The following PTPRA variants were observed in gnomAD, a reference collection of about 807,000 sequenced individuals.
PTPRA encodes protein tyrosine phosphatase receptor type A, also known as receptor-type tyrosine-protein phosphatase alpha.
Under a neutral mutation model 104.8 loss-of-function variants are expected in PTPRA, and 25 were observed. That is an observed-to-expected ratio of 0.24 (90% CI 0.17 to 0.33). The LOEUF (loss-of-function observed/expected upper bound fraction) is 0.33. Ranked by LOEUF, PTPRA falls within the 10% of genes least tolerant of loss-of-function variation. The pLI, the probability that PTPRA is intolerant of heterozygous loss-of-function variation, is 1.00. For missense variants in PTPRA, 765 were observed against 1,015.3 expected, an observed-to-expected ratio of 0.75 and a Z score of 3.35; for synonymous variants, 323 against 368.9, an observed-to-expected ratio of 0.88 and a Z score of 1.43.
At chr20:2,928,915 G>A (rs1052069066) in intron 2 of PTPRA, among the ~76,000 whole-genome samples, 3 of 147,920 alleles carry the variant, frequency 2.0e-5, no homozygotes, top group Admixed American at 1.4e-4. Context: ...CTGCAGCCTC[G>A]AGCTCCCAGG....
intron 1 of PTPRA, among the ~76,000 whole-genome samples, chr20:2,879,600 G>C (rs938665819): frequency 6.6e-6 from 1 of 152,170 alleles, no homozygotes; most frequent in Admixed American, 6.5e-5. Flanking sequence ...ATTGGTCTCA[G>C]TTGGGGCCTG....
At chr20:3,004,481 A>C (rs1032679588) in intron 9 of PTPRA, among the ~76,000 whole-genome samples, 6 of 152,204 alleles carry the variant, frequency 3.9e-5, no homozygotes, top group Non-Finnish European at 8.8e-5. Context: ...CACCTCACCC[A>C]AATCTTCTGC....
Position 3,038,588 on chromosome 20 carries a change from A to G in PTPRA, c.*455A>G, listed in dbSNP as rs1386676499. On this transcript the variant is annotated 3_prime_UTR_variant, in exon 24 of 24. Transcript: ENST00000399903. ...CCCCTCCCCCATCCCCACCACTGATATCATGGGGAGTAATAGGACCAGAGC... is the reference window on the plus strand; with the variant it reads ...CCCCTCCCCCATCCCCACCACTGATGTCATGGGGAGTAATAGGACCAGAGC... 5.6e-6 allele frequency: 1 copy of G among 178,254 alleles called. No homozygotes were observed. The highest frequency in any genetic ancestry group is 1.2e-5 in the Non-Finnish European group (1 of 84,406). The allele number at this position is 178,254 out of a possible 1,614,324, so 11.0% of individuals were successfully genotyped here. A position where few individuals can be genotyped will look rare whatever the true frequency, so the allele number is the denominator to read the frequency against.
At chr20:2,914,445 CTGTGTGTGTG>C (rs35272226) in intron 1 of PTPRA, among the ~76,000 whole-genome samples, 23 of 145,720 alleles carry the variant, frequency 1.6e-4, no homozygotes, top group East Asian at 4.0e-4. Context: ...ATTTCTTGCT[CTGTGTGTGTG>C]TGTGTGTGTG....
chr20:2,967,283 G>T lies in PTPRA; in HGVS notation c.415+2081G>T, dbSNP rs138741748. On this transcript the variant is annotated intron_variant, in intron 5 of 23. Coordinates refer to ENST00000399903, the MANE Select transcript of PTPRA (RefSeq NM_001385305.1). Reference sequence around the variant, plus strand: ...TTTAACACAGTTCACGTCATAGGAGGCTGAGACTATGTTTCTCTAGTGGCG... The same window carrying T: ...TTTAACACAGTTCACGTCATAGGAGTCTGAGACTATGTTTCTCTAGTGGCG... Among the ~76,000 whole-genome samples the T allele has an allele frequency of 1.7e-3, 266 of 152,208 alleles. 2 individuals are homozygous for T. Among genetic ancestry groups the T allele is most frequent in the Non-Finnish European group, 4.7e-4 (32 of 68,018 alleles).
At chr20:3,004,919 C>G in intron 9 of PTPRA, 137 bp from the exon 10 acceptor site, 1 of 732,822 alleles carries the variant, frequency 1.4e-6, no homozygotes, top group Non-Finnish European at 2.3e-6. Flanking sequence ...TGTTAGGCTG[C>G]AGGTATTCAC....
intron 6 of PTPRA, 32 bp downstream of exon 6, chr20:2,975,273 T>G: frequency 6.4e-7 from 1 of 1,562,202 alleles, no homozygotes; most frequent in Non-Finnish European, 8.8e-7. Flanking sequence ...TGTTGTTCCT[T>G]TTACACAGTG....
intron 20 of PTPRA, among the ~76,000 whole-genome samples, chr20:3,032,745 G>GA (rs2065558305): frequency 6.7e-6 from 1 of 149,726 alleles, no homozygotes; most frequent in Admixed American, 6.6e-5. Flanking sequence ...CAGCCTGGTG[G>GA]CAGAGTGAGA....
chr20:2,889,919 G>T (rs1470849361), intron 1 of PTPRA, among the ~76,000 whole-genome samples: 1 of 152,026 alleles, frequency 6.6e-6, no homozygotes, highest in African/African-American at 2.4e-5. Context: ...GATCTTGGTA[G>T]GTTGCCCATG....
intron 1 of PTPRA, among the ~76,000 whole-genome samples, chr20:2,904,121 GC>G (rs2059330775): frequency 6.6e-6 from 1 of 151,876 alleles, no homozygotes; most frequent in South Asian, 2.1e-4. Context: ...TTTCTATGAT[GC>G]CCCGGCTGGT....
At chr20:2,953,507 C>T (rs1030310423) in intron 3 of PTPRA, among the ~76,000 whole-genome samples, 14 of 152,056 alleles carry the variant, frequency 9.2e-5, no homozygotes, top group Admixed American at 8.5e-4. Flanking sequence ...CCCGCCTCAG[C>T]CTCCCGAAGT....
intron 11 of PTPRA, among the ~76,000 whole-genome samples, chr20:3,008,267 A>G (rs1242362845): frequency 6.6e-6 from 1 of 152,252 alleles, no homozygotes; most frequent in Admixed American, 6.5e-5. Context: ...ACATGCATAC[A>G]GTGGAATGTT....
chr20:2,946,716 C>T (rs1270520497), intron 2 of PTPRA, among the ~76,000 whole-genome samples: 6 of 151,728 alleles, frequency 4.0e-5, no homozygotes, highest in African/African-American at 4.8e-5. Context: ...GGCGTGGTGG[C>T]GCATGCCTGT....
In PTPRA at chr20:2,910,037, CAT is replaced by C. The variant is rs1433238462; in HGVS notation, c.-128-13164_-128-13163del. Among the ~76,000 whole-genome samples the C allele has an allele frequency of 5.1e-5, 6 of 118,144 alleles. No homozygotes were observed. In the South Asian group the frequency reaches 7.2e-4, roughly 14 times the overall value. 77.5% of individuals were successfully genotyped at this position (118,144 alleles called of 152,430 possible). On this transcript the variant is annotated intron_variant, in intron 1 of 23. Coordinates refer to ENST00000399903, the MANE Select transcript of PTPRA (RefSeq NM_001385305.1). ...ATATATAATCTATCATATATCATAT[CAT>C]ATATAATATATATCATATCATATAT...
chr20:2,868,265 A>T, the PTPRA span, among the ~76,000 whole-genome samples: 1 of 150,634 alleles, frequency 6.6e-6, no homozygotes, highest in Admixed American at 6.7e-5. Context: ...CACAGCAGTA[A>T]TACAGGCCCA....
At chr20:2,958,460 G>A (rs1223775367) in intron 3 of PTPRA, among the ~76,000 whole-genome samples, 1 of 151,944 alleles carries the variant, frequency 6.6e-6, no homozygotes, top group African/African-American at 2.4e-5. Flanking sequence ...TGGGGGACAG[G>A]AAGGAAACTG....
chr20:2,874,099 AT>A (rs1204463477), intron 1 of PTPRA, among the ~76,000 whole-genome samples: 1 of 151,962 alleles, frequency 6.6e-6, no homozygotes, highest in African/African-American at 2.4e-5. Flanking sequence ...GCTCAGGTCC[AT>A]TTAATGGGAG....
chr20:3,001,479 G>A (rs939286931), intron 9 of PTPRA, among the ~76,000 whole-genome samples: 3 of 152,140 alleles, frequency 2.0e-5, no homozygotes, highest in South Asian at 2.1e-4. Context: ...CTGTCCCTAC[G>A]TCTGTTCTAC....
chr20:3,030,147 G>T (rs1431431566), intron 20 of PTPRA, among the ~76,000 whole-genome samples: 4 of 152,266 alleles, frequency 2.6e-5, no homozygotes, highest in Admixed American at 2.6e-4. Context: ...ATAAAATGTG[G>T]CCCAGTGAAC....
Sources: allele counts gnomAD v4.1 joint callset (sites outside exome capture counted in the v4.1 genomes callset), GRCh38; gene constraint gnomAD v4.1.1; transcripts MANE v1.5; gene names NCBI Gene and HGNC (gene_info 2026-07-23, HGNC 2026-07-21).